NR3C1: variants seen among roughly 807,000 people sequenced by gnomAD.
NR3C1 encodes the protein nuclear receptor subfamily 3 group C member 1, also known as glucocorticoid receptor.
NR3C1 carries 14 observed loss-of-function variants against 74.0 expected under a neutral mutation model. The observed-to-expected ratio is 0.19, with a 90% CI of 0.12 to 0.30. NR3C1 has a LOEUF of 0.30. Among genes scored for constraint, NR3C1 ranks in the 10% least tolerant of loss-of-function variants. The pLI is 1.00. For missense variants in NR3C1, 695 were observed against 909.8 expected, an observed-to-expected ratio of 0.76 and a Z score of 3.04; for synonymous variants, 308 against 332.5, an observed-to-expected ratio of 0.93 and a Z score of 0.80.
At chr5:143,427,917 C>T (rs77983076) in intron 1 of NR3C1, among the ~76,000 whole-genome samples, 1 of 152,228 alleles carries the variant, frequency 6.6e-6, no homozygotes, top group South Asian at 2.1e-4. Context: ...ATGCTTGACA[C>T]TGTGCCTGGC....
intron 7 of NR3C1, 51 bp downstream of exon 7, chr5:143,295,409 G>A (rs774925559): frequency 8.1e-6 from 13 of 1,603,710 alleles, no homozygotes; most frequent in Non-Finnish European, 5.1e-6. Flanking sequence ...TTTGTTTCTA[G>A]GCCTTCATAT....
At chr5:143,317,129 G>A (rs1217544826) in intron 2 of NR3C1, among the ~76,000 whole-genome samples, 1 of 152,118 alleles carries the variant, frequency 6.6e-6, no homozygotes, top group Non-Finnish European at 1.5e-5. Context: ...CAAATAGGAG[G>A]AGTAAGATAG....
In NR3C1 at chr5:143,400,435, A is replaced by T. The variant is rs757435373; in HGVS notation, c.405T>A (p.Val135=). 1.2e-6 allele frequency: 2 copies of T among 1,614,200 alleles called. No homozygotes were observed. The highest frequency in any genetic ancestry group is 3.3e-5 in the Admixed American group (2 of 60,024). The change falls in exon 2 of 9, where the codon GTT becomes GTA. Residue 135 remains valine (V), a synonymous_variant. Coordinates refer to ENST00000394464, the MANE Select transcript of NR3C1 (RefSeq NM_000176.3). ...SIANLNRSTS[V]PENPKSSAST... is the part of the protein sequence containing the mutation. ...ATGCTGAACTCTTGGGGTTCTCTGG[A>T]ACACTGGTCGACCTATTGAGGTTTG...
chr5:143,294,925 C>A (rs574595945), intron 7 of NR3C1: 1 of 985,342 alleles, frequency 1.0e-6, no homozygotes, highest in Admixed American at 6.2e-5. Context: ...AAAGTAATCT[C>A]ACAGAAGTTC....
At chr5:143,305,741 T>C (rs1819460401) in intron 4 of NR3C1, among the ~76,000 whole-genome samples, 2 of 152,096 alleles carry the variant, frequency 1.3e-5, no homozygotes, top group South Asian at 4.1e-4. Context: ...AGAGGGGGGA[T>C]AGAGGAAGGG....
intron 3 of NR3C1, among the ~76,000 whole-genome samples, chr5:143,311,283 A>C (rs953783871): frequency 6.6e-6 from 1 of 152,108 alleles, no homozygotes; most frequent in Non-Finnish European, 1.5e-5. Flanking sequence ...TCTCTAAATC[A>C]CTGTCCTACA....
chr5:143,414,752 G>GA (rs1183420458), intron 1 of NR3C1, among the ~76,000 whole-genome samples: 21 of 151,728 alleles, frequency 1.4e-4, no homozygotes, highest in African/African-American at 1.9e-4. Flanking sequence ...GATGAAGTGT[G>GA]AAAAAAAAGG....
intron 4 of NR3C1, among the ~76,000 whole-genome samples, chr5:143,301,014 T>A (rs977909525): frequency 1.3e-5 from 2 of 152,200 alleles, no homozygotes; most frequent in Non-Finnish European, 2.9e-5. Flanking sequence ...GAGTTATTCC[T>A]TATACAAAGT....
At chr5:143,326,133 G>A (rs537716230) in intron 2 of NR3C1, among the ~76,000 whole-genome samples, 49 of 152,260 alleles carry the variant, frequency 3.2e-4, no homozygotes, top group Middle Eastern at 3.4e-3. Context: ...GCCCAAAGTC[G>A]CATTATAAGG....
chr5:143,328,099 T>C (rs995054565), intron 2 of NR3C1, among the ~76,000 whole-genome samples: 1 of 152,338 alleles, frequency 6.6e-6, no homozygotes, highest in African/African-American at 2.4e-5. Flanking sequence ...CTCTTAAATA[T>C]AGGCACAGGT....
In NR3C1 at chr5:143,429,914, T is replaced by C. The variant is rs571029766; in HGVS notation, c.-14+4618A>G. ...GGCCAACATGGTGAAACCCCATCTC[T>C]ACTAAAAATACAAAAAAATTAGATG... On this transcript the variant is annotated intron_variant, in intron 1 of 8. Transcript: ENST00000343796. Among the ~76,000 whole-genome samples the C allele has an allele frequency of 3.3e-5, 5 of 152,054 alleles. No homozygotes were observed. The East Asian group carries it at 9.7e-4, about 29-fold the overall frequency.
At chr5:143,307,849 A>T (rs1373789606) in intron 4 of NR3C1, among the ~76,000 whole-genome samples, 1 of 152,196 alleles carries the variant, frequency 6.6e-6, no homozygotes, top group East Asian at 1.9e-4. Context: ...GAAAGTGGGG[A>T]ATACTGTTTT....
At chr5:143,423,193 A>G (rs537279282) in intron 1 of NR3C1, among the ~76,000 whole-genome samples, 1 of 152,362 alleles carries the variant, frequency 6.6e-6, no homozygotes, top group East Asian at 1.9e-4. Flanking sequence ...AAGTGAAGAG[A>G]CAACTCACAG....
At chr5:143,389,943 G>C (rs1837941853) in intron 2 of NR3C1, 7 of 978,654 alleles carry the variant, frequency 7.2e-6, no homozygotes, top group Non-Finnish European at 8.5e-6. Flanking sequence ...TCATCTTTTG[G>C]GGAGAAAGAA....
At chr5:143,406,720 C>T (rs1841126717), upstream of NR3C1, among the ~76,000 whole-genome samples, 1 of 152,210 alleles carries the variant, frequency 6.6e-6, no homozygotes, top group South Asian at 2.1e-4. Context: ...TCTAAGTTCA[C>T]ATGGCTCCTA....
chr5:143,291,570 T>TTTA (rs1815965243), intron 7 of NR3C1, among the ~76,000 whole-genome samples: 1 of 152,020 alleles, frequency 6.6e-6, no homozygotes, highest in South Asian at 2.1e-4. Flanking sequence ...GGTGGCAAAC[T>TTTA]TTATTTTCAC....
chr5:143,313,777 A>C (rs536794345), intron 3 of NR3C1, among the ~76,000 whole-genome samples: 7 of 152,066 alleles, frequency 4.6e-5, no homozygotes, highest in Non-Finnish European at 1.0e-4. Flanking sequence ...TCCCTGACCA[A>C]ACTCCCAGAC....
intron 1 of NR3C1, among the ~76,000 whole-genome samples, chr5:143,431,779 G>A (rs1156989053): frequency 6.6e-6 from 1 of 152,182 alleles, no homozygotes; most frequent in Non-Finnish European, 1.5e-5. Flanking sequence ...GGGCACTTTT[G>A]TAGCCTTGGA....
chr5:143,322,725 C>T (rs1432195463), intron 2 of NR3C1, among the ~76,000 whole-genome samples: 1 of 152,136 alleles, frequency 6.6e-6, no homozygotes, highest in Admixed American at 6.5e-5. Context: ...GAAAAGGAAC[C>T]CTCAGAACCA....
Sources: allele counts gnomAD v4.1 joint callset (sites outside exome capture counted in the v4.1 genomes callset), GRCh38; gene constraint gnomAD v4.1.1; transcripts MANE v1.5; gene names NCBI Gene and HGNC (gene_info 2026-07-23, HGNC 2026-07-21).